Variants in ERN2 observed in about 807,000 individuals in gnomAD.
ERN2 encodes endoplasmic reticulum to nucleus signaling 2, also known as serine/threonine-protein kinase/endoribonuclease IRE2.
In ERN2, 111 loss-of-function variants were observed where a neutral mutation model predicts 107.9. The observed-to-expected ratio is 1.03, with a 90% CI of 0.88 to 1.20. The LOEUF is 1.20. Among genes scored for constraint, ERN2 ranks in the 50% most tolerant of loss-of-function variants. The probability of loss-of-function intolerance (pLI) is 0.00; values close to 1 mark genes in which losing one functional copy is unlikely to be tolerated. For missense variants in ERN2, 1,225 were observed against 1,197.9 expected, an observed-to-expected ratio of 1.02 and a Z score of -0.33; for synonymous variants, 524 against 501.7, an observed-to-expected ratio of 1.04 and a Z score of -0.59.
Position 23,691,512 on chromosome 16 carries a change from G to A in ERN2, c.2377-87C>T. On this transcript the variant is annotated intron_variant, in intron 19 of 21. Coordinates refer to ENST00000256797, the MANE Select transcript of ERN2 (RefSeq NM_033266.4). The stretch of plus-strand genomic sequence containing the variant: ...TGTTGTCTTACAGGAGTAGTTTAGG[G>A]TGACTGACAAGGATCATTGCCTCTG... 2.0e-6 allele frequency: 3 copies of A among 1,472,106 alleles called. No individual in the cohort carries two copies. In the South Asian group the frequency reaches 3.8e-5, roughly 19 times the overall value. 91.2% of individuals were successfully genotyped at this position (1,472,106 alleles called of 1,614,324 possible). A position where few individuals can be genotyped will look rare whatever the true frequency, so the allele number is the denominator to read the frequency against.
intron 4 of ERN2, among the ~76,000 whole-genome samples, chr16:23,707,587 T>C (rs1027565656): frequency 4.0e-5 from 6 of 151,898 alleles, no homozygotes; most frequent in Non-Finnish European, 8.8e-5. Flanking sequence ...TGGTGGCATG[T>C]GCCTGTAGTC....
intron 1 of ERN2, chr16:23,712,782 G>A (rs879588614): frequency 8.6e-6 from 3 of 350,654 alleles, no homozygotes; most frequent in Non-Finnish European, 1.5e-5. Context: ...GAAGTTTTAA[G>A]AGGCCTGGCT....
At chr16:23,702,362 A>G in intron 10 of ERN2, 28 bp downstream of exon 10, 3 of 1,610,822 alleles carry the variant, frequency 1.9e-6, no homozygotes, top group Non-Finnish European at 2.5e-6. Context: ...ATCTTCATCT[A>G]CTCCCAATTT....
At chr16:23,712,447 G>A (rs1339023377) in intron 1 of ERN2, 1 of 157,930 alleles carries the variant, frequency 6.3e-6, no homozygotes, top group African/African-American at 2.4e-5. Flanking sequence ...GGACCCATGA[G>A]GTGGAAGCCG....
intron 14 of ERN2, 40 bp from the exon 15 acceptor site, chr16:23,695,429 G>T (rs764006347): frequency 6.5e-7 from 1 of 1,545,126 alleles, no homozygotes; most frequent in South Asian, 1.2e-5. Flanking sequence ...GGGCATTCAG[G>T]GAAAGCAGAT....
At chr16:23,691,068 C>T (rs776349719) in intron 21 of ERN2, 25 bp from the exon 22 acceptor site, 7 of 1,613,816 alleles carry the variant, frequency 4.3e-6, no homozygotes, top group Admixed American at 3.3e-5. Flanking sequence ...AGCAGAGAAC[C>T]CTGGCTCAGC....
At chr16:23,709,215 G>A (rs1292628016) in intron 4 of ERN2, 1 of 455,258 alleles carries the variant, frequency 2.2e-6, no homozygotes, top group South Asian at 1.6e-5. Flanking sequence ...AGGATTGCTT[G>A]AGGCCAGGAG....
In ERN2 at chr16:23,690,673, C is replaced by T; in HGVS notation, c.*158G>A. 1 of 643,950 alleles carries T rather than the reference C, an allele frequency of 1.6e-6. No homozygotes were observed. Among genetic ancestry groups the T allele is most frequent in the Non-Finnish European group, 2.7e-6 (1 of 372,340 alleles). The allele number at this position is 643,950 out of a possible 1,614,324, so 39.9% of individuals were successfully genotyped here. A position where few individuals can be genotyped will look rare whatever the true frequency, so the allele number is the denominator to read the frequency against. Reference sequence around the variant, plus strand: ...GTGTTGCCATGTTGGCCAGGCTGGTCTCGAACTCCTGAGCTCAAGTGATCC... The same window carrying T: ...GTGTTGCCATGTTGGCCAGGCTGGTTTCGAACTCCTGAGCTCAAGTGATCC... On this transcript the variant is annotated 3_prime_UTR_variant, in exon 22 of 22. Coordinates refer to ENST00000256797, the MANE Select transcript of ERN2 (RefSeq NM_033266.4).
chr16:23,693,385 C>T (rs987555163), intron 17 of ERN2, among the ~76,000 whole-genome samples: 7 of 151,840 alleles, frequency 4.6e-5, no homozygotes, highest in African/African-American at 1.7e-4. Flanking sequence ...GCTGGGAGTT[C>T]GAGACCAGCC....
In ERN2 at chr16:23,694,926, C is replaced by T; in HGVS notation, c.1902G>A (p.Val634=). 1.2e-6 allele frequency: 2 copies of T among 1,614,158 alleles called. No homozygotes were observed. Among genetic ancestry groups the T allele is most frequent in the African/African-American group, 1.3e-5 (1 of 75,050 alleles). ...GLAHLHSLHI[V]HRDLKPGNIL... ...TATTTCCTGGCTTCAGGTCCCGGTG[C>T]ACTGTGGGAGAGGGGCAGAAAGAAA... Residue 634 remains valine (V), a splice_region_variant and synonymous_variant, in exon 17 of 22, where the codon GTG becomes GTA. Coordinates refer to ENST00000256797, the MANE Select transcript of ERN2 (RefSeq NM_033266.4).
At position 23,695,978 on chromosome 16, in the gene ERN2, G is replaced by A. The variant is rs776370663; in HGVS notation, c.1526C>T (p.Ala509Val). The A allele has an allele frequency of 1.2e-6, 2 of 1,613,388 alleles. No individual in the cohort carries two copies. The highest frequency in any genetic ancestry group is 1.7e-6 in the Non-Finnish European group (2 of 1,179,426). The change falls in exon 14 of 22, where the codon GCT (alanine) becomes GTT (valine). Residue 509 changes from alanine to valine, a missense_variant and splice_region_variant. Coordinates refer to ENST00000256797, the MANE Select transcript of ERN2 (RefSeq NM_033266.4). The part of the protein sequence containing the change: ...KQAQPLDDPE[A>V]EQLTVVGKIS... The stretch of plus-strand genomic sequence containing the variant: ...CTTCCCCACTACGGTGAGTTGCTCA[G>A]CTGGGGGAGAGGAGGGTGGTGACTC...
chr16:23,701,288 G>C (rs566214910), intron 11 of ERN2, among the ~76,000 whole-genome samples, 174 bp from the exon 12 acceptor site: 1 of 152,134 alleles, frequency 6.6e-6, no homozygotes, highest in Non-Finnish European at 1.5e-5. Flanking sequence ...CCAGAAGAAC[G>C]GTTTTCTAAA....
In ERN2 at chr16:23,691,249, C is replaced by T. The variant is rs200230413; in HGVS notation, c.2500+53G>A. On this transcript the variant is annotated intron_variant, in intron 20 of 21. Coordinates refer to ENST00000256797, the MANE Select transcript of ERN2 (RefSeq NM_033266.4). ...CCGTCCCTGCTAGACTCCCCTCCAC[C>T]GCCCAGGCCCACTCCCCTCCACCGC... The T allele has an allele frequency of 1.4e-3, 2,266 of 1,612,282 alleles. 4 individuals are homozygous for T. Among genetic ancestry groups the T allele is most frequent in the Non-Finnish European group, 1.7e-3 (1,979 of 1,179,184 alleles).
chr16:23,701,385 C>G lies in ERN2; in HGVS notation c.1204-271G>C, dbSNP rs1262161581. Among the ~76,000 whole-genome samples the G allele has an allele frequency of 2.0e-5, 3 of 152,302 alleles. No homozygotes were observed. The East Asian group carries it at 5.8e-4, about 29-fold the overall frequency. ...CACTAAAAATATAGATGTCCACCTC[C>G]AGAGATCCTAAACGCGTTAGCGCTG... is the stretch of plus-strand genomic sequence containing the variant. On this transcript the variant is annotated intron_variant, in intron 11 of 21. Coordinates refer to ENST00000256797, the MANE Select transcript of ERN2 (RefSeq NM_033266.4).
At chr16:23,707,229 T>C in intron 4 of ERN2, 150 bp from the exon 5 acceptor site, 1 of 659,084 alleles carries the variant, frequency 1.5e-6, no homozygotes, top group Non-Finnish European at 2.8e-6. Flanking sequence ...GGAGAGGCCA[T>C]GTAACTTGGC....
chr16:23,698,755 T>C (rs1220452053), intron 13 of ERN2, among the ~76,000 whole-genome samples: 2 of 152,046 alleles, frequency 1.3e-5, no homozygotes, highest in Non-Finnish European at 2.9e-5. Context: ...ACCAGACTCA[T>C]TTTTGTATTT....
Position 23,690,866 on chromosome 16 carries a change from C to A in ERN2, c.2746G>T (p.Ala916Ser), listed in dbSNP as rs1341948581. The change falls in exon 22 of 22, where the codon GCC (alanine) becomes TCC (serine). Residue 916 changes from alanine (A) to serine (S), a missense_variant. Coordinates refer to ENST00000256797, the MANE Select transcript of ERN2 (RefSeq NM_033266.4). ...GTGGCCCCAGGGCATGGCCTCCTGGCCTCTGAGTCTGGCGGGTAGTAGGGC... is the reference window on the plus strand; with the variant it reads ...GTGGCCCCAGGGCATGGCCTCCTGGACTCTGAGTCTGGCGGGTAGTAGGGC... ...FLPYYPPDSE[A>S]RRPCPGATGR 6.2e-7 allele frequency: 1 copy of A among 1,613,262 alleles called. No homozygotes were observed.
At chr16:23,710,852 G>A in intron 2 of ERN2, 61 bp downstream of exon 2, 1 of 1,203,768 alleles carries the variant, frequency 8.3e-7, no homozygotes, top group East Asian at 2.3e-5. Flanking sequence ...CTATGCCACA[G>A]TGACTATCCC....
At position 23,710,152 on chromosome 16, in the gene ERN2, G is replaced by C. The variant is rs201619844; in HGVS notation, c.306+20C>G. 6.3e-7 allele frequency: 1 copy of C among 1,589,884 alleles called. No individual in the cohort carries two copies. The highest frequency in any genetic ancestry group is 8.6e-7 in the Non-Finnish European group (1 of 1,158,088). On this transcript the variant is annotated intron_variant, in intron 4 of 21. Coordinates refer to ENST00000256797, the MANE Select transcript of ERN2 (RefSeq NM_033266.4). The stretch of plus-strand genomic sequence containing the variant: ...AAAGCCCTGGCTCTCACCCATTCCC[G>C]AACACCATGGGATACAAACCATTAA...
Sources: allele counts gnomAD v4.1 joint callset (sites outside exome capture counted in the v4.1 genomes callset), GRCh38; gene constraint gnomAD v4.1.1; transcripts MANE v1.5; gene names NCBI Gene and HGNC (gene_info 2026-07-23, HGNC 2026-07-21).